The following ACVR1B variants were observed in gnomAD, a reference collection of about 807,000 sequenced individuals.
ACVR1B encodes the protein activin A receptor type 1B.
ACVR1B carries 15 observed loss-of-function variants against 55.6 expected under a neutral mutation model. The observed-to-expected ratio is 0.27, with a 90% CI of 0.18 to 0.42. The LOEUF (loss-of-function observed/expected upper bound fraction) is 0.42. Ranked by LOEUF, ACVR1B falls within the 10% of genes least tolerant of loss-of-function variation. The probability of loss-of-function intolerance (pLI) is 1.00; values close to 1 mark genes in which losing one functional copy is unlikely to be tolerated. For synonymous variants in ACVR1B, 247 were observed against 254.6 expected, an observed-to-expected ratio of 0.97 and a Z score of 0.28; for missense variants, 359 against 670.1, an observed-to-expected ratio of 0.54 and a Z score of 5.13.
chr12:51,972,928 C>A (rs2120573908), intron 1 of ACVR1B, among the ~76,000 whole-genome samples: 1 of 152,224 alleles, frequency 6.6e-6, no homozygotes, highest in East Asian at 1.9e-4. Context: ...GTAGTTGAGG[C>A]CCAGATAGGC....
chr12:51,969,046 C>T (rs533409439), intron 1 of ACVR1B, among the ~76,000 whole-genome samples: 4 of 152,278 alleles, frequency 2.6e-5, no homozygotes, highest in South Asian at 2.1e-4. Flanking sequence ...CAGCATCATG[C>T]GCCAAATGTA....
intron 1 of ACVR1B, among the ~76,000 whole-genome samples, chr12:51,968,986 G>A (rs1187559626): frequency 6.6e-6 from 1 of 152,240 alleles, no homozygotes; most frequent in African/African-American, 2.4e-5. Flanking sequence ...TGCTTATCCT[G>A]TAGTTGGAGA....
At chr12:51,990,311 G>GC (rs1555162443) in intron 7 of ACVR1B, among the ~76,000 whole-genome samples, 2 of 73,532 alleles carry the variant, frequency 2.7e-5, no homozygotes, top group Non-Finnish European at 5.0e-5. Flanking sequence ...CAAATTTAGT[G>GC]CTTTTTTTTT....
At chr12:51,974,732 A>G (rs561549574) in intron 1 of ACVR1B, among the ~76,000 whole-genome samples, 1 of 152,276 alleles carries the variant, frequency 6.6e-6, no homozygotes, top group Admixed American at 6.5e-5. Context: ...AGGCAGGAGG[A>G]CAATAATGGA....
intron 5 of ACVR1B, among the ~76,000 whole-genome samples, chr12:51,984,467 A>G (rs1287751203): frequency 1.3e-5 from 2 of 152,210 alleles, no homozygotes; most frequent in Non-Finnish European, 2.9e-5. Flanking sequence ...TTAGAATCCC[A>G]CAATAGACAT....
At chr12:51,952,599 G>A (rs1941323742) in intron 1 of ACVR1B, among the ~76,000 whole-genome samples, 1 of 152,154 alleles carries the variant, frequency 6.6e-6, no homozygotes, top group South Asian at 2.1e-4. Flanking sequence ...TTCCCCAAGG[G>A]TTGATGTGAA....
chr12:51,985,375 G>T, intron 6 of ACVR1B, 27 bp downstream of exon 6: 1 of 1,589,588 alleles, frequency 6.3e-7, no homozygotes, highest in Non-Finnish European at 8.6e-7. Context: ...CTCTGCCCTT[G>T]CTAAGCAGCT....
At position 51,993,765 on chromosome 12, in the gene ACVR1B, T is replaced by TAAAAAAAAAA. The variant is rs869161100; in HGVS notation, c.1393-190_1393-181dup. Among the ~76,000 whole-genome samples, 13 of 29,768 alleles carry TAAAAAAAAAA rather than the reference T, an allele frequency of 4.4e-4. 1 individual carries two copies. The highest frequency in any genetic ancestry group is 1.9e-3 in the Admixed American group (3 of 1,580). The allele number at this position is 29,768 out of a possible 152,430, so 19.5% of individuals were successfully genotyped here. ...CTGGGTGACAGAGTGAGACTCCTTC[T>TAAAAAAAAAA]AAAAAAAAAAAAAAAAAAAAAAAAA... On this transcript the variant is annotated intron_variant, in intron 8 of 8. Coordinates refer to ENST00000257963, the MANE Select transcript of ACVR1B (RefSeq NM_004302.5).
chr12:51,993,882 A>C, intron 8 of ACVR1B, 103 bp from the exon 9 acceptor site: 1 of 1,465,788 alleles, frequency 6.8e-7, no homozygotes, highest in Non-Finnish European at 9.2e-7. Flanking sequence ...GATCTGCCAG[A>C]CTGCACTGAG....
intron 4 of ACVR1B, among the ~76,000 whole-genome samples, 159 bp from the exon 5 acceptor site, chr12:51,983,840 A>G (rs1942027833): frequency 6.6e-6 from 1 of 152,178 alleles, no homozygotes; most frequent in East Asian, 1.9e-4. Context: ...ACCACTATAA[A>G]TGAAAGGATG....
At chr12:51,965,154 C>A (rs1328219015) in intron 1 of ACVR1B, among the ~76,000 whole-genome samples, 1 of 152,052 alleles carries the variant, frequency 6.6e-6, no homozygotes, top group Non-Finnish European at 1.5e-5. Context: ...AAAAGAATTC[C>A]TTTTGAAAAA....
chr12:51,962,719 A>G lies in ACVR1B; in HGVS notation c.91+10885A>G, dbSNP rs189296158. On this transcript the variant is annotated intron_variant, in intron 1 of 8. Coordinates refer to ENST00000257963, the MANE Select transcript of ACVR1B (RefSeq NM_004302.5). ...TTCAGATTTTCATAAACATTTTGGC[A>G]GTTGTCTAGATCAGTAGCTATTAAC... is the stretch of plus-strand genomic sequence containing the variant. 1.9e-3 allele frequency among the ~76,000 whole-genome samples: 295 copies of G among 152,314 alleles called. 1 individual carries two copies. The highest frequency in any genetic ancestry group is 6.5e-3 in the African/African-American group (269 of 41,564).
intron 7 of ACVR1B, among the ~76,000 whole-genome samples, chr12:51,989,112 C>T (rs1020868267): frequency 2.6e-5 from 4 of 152,026 alleles, no homozygotes; most frequent in South Asian, 2.1e-4. Context: ...AAAAATTAGC[C>T]GGGTGTAGTG....
intron 1 of ACVR1B, among the ~76,000 whole-genome samples, chr12:51,958,782 CTGA>C (rs1941460359): frequency 6.6e-6 from 1 of 152,236 alleles, no homozygotes; most frequent in Admixed American, 6.5e-5. Flanking sequence ...AATGCCGCCG[CTGA>C]TGTGACAGGA....
chr12:51,955,301 A>G (rs772562525), intron 1 of ACVR1B, among the ~76,000 whole-genome samples: 2 of 152,206 alleles, frequency 1.3e-5, no homozygotes, highest in African/African-American at 4.8e-5. Flanking sequence ...TTAGATGATT[A>G]TGTCTTTCAG....
intron 1 of ACVR1B, among the ~76,000 whole-genome samples, chr12:51,952,875 A>T (rs1592238650): frequency 1.0e-5 from 1 of 96,718 alleles, no homozygotes; most frequent in Non-Finnish European, 2.0e-5. Context: ...GCCTTATACC[A>T]CCCCCCCACT....
intron 1 of ACVR1B, among the ~76,000 whole-genome samples, chr12:51,965,861 A>C (rs1941629904): frequency 6.6e-6 from 1 of 152,190 alleles, no homozygotes; most frequent in Non-Finnish European, 1.5e-5. Flanking sequence ...AAATACACTG[A>C]ATTTGATCTT....
intron 7 of ACVR1B, among the ~76,000 whole-genome samples, chr12:51,988,253 G>A (rs1346298817): frequency 1.3e-5 from 2 of 152,074 alleles, no homozygotes; most frequent in Admixed American, 6.6e-5. Context: ...GGCGGATCAC[G>A]AGGTCAAGAG....
At chr12:51,989,443 G>A (rs4761841) in intron 7 of ACVR1B, among the ~76,000 whole-genome samples, 3 of 151,170 alleles carry the variant, frequency 2.0e-5, no homozygotes, top group Non-Finnish European at 4.4e-5. Context: ...CACCACCACT[G>A]CGGGCTGATT....
Sources: gnomAD v4.1 joint callset for allele counts (sites outside exome capture counted in the v4.1 genomes callset) on GRCh38, gnomAD v4.1.1 for gene constraint, MANE v1.5 for transcripts, NCBI Gene and HGNC (gene_info 2026-07-23, HGNC 2026-07-21) for gene names.